The following HDAC9 variants were observed in gnomAD, a reference collection of about 807,000 sequenced individuals.
HDAC9 encodes histone deacetylase 9, also known as MEF-2 interacting transcription repressor (MITR) protein.
In HDAC9, 41 loss-of-function variants were observed where a neutral mutation model predicts 139.4. That is an observed-to-expected ratio of 0.29 (90% CI 0.23 to 0.38). HDAC9 has a LOEUF of 0.38. HDAC9 is among the 10% of genes least tolerant of loss of function. HDAC9 has a pLI of 1.00. For synonymous variants in HDAC9, 517 were observed against 476.2 expected, an observed-to-expected ratio of 1.09 and a Z score of -1.12; for missense variants, 1,147 against 1,297.0, an observed-to-expected ratio of 0.88 and a Z score of 1.78.
rs1405767513 is a variant in HDAC9 at position 18,297,649 on chromosome 7, G to C, written c.-42+7134G>C. Among the ~76,000 whole-genome samples, 5 of 152,150 alleles carry C rather than the reference G, an allele frequency of 3.3e-5. No individual in the cohort carries two copies. In the East Asian group the frequency reaches 9.6e-4, roughly 29 times the overall value. On this transcript the variant is annotated intron_variant, in intron 1 of 3. Coordinates refer to the HDAC9 transcript ENST00000413509. ...ACAGTAAATAGGATGTTATGGTTTG[G>C]CTTGGAATTCTTGTAAGACTTGGCA...
At chr7:18,293,320 T>A (rs75045082) in intron 1 of HDAC9, among the ~76,000 whole-genome samples, 9 of 147,212 alleles carry the variant, frequency 6.1e-5, no homozygotes, top group African/African-American at 7.7e-5. Context: ...TTTTTTTTTT[T>A]ATTATACTTT....
chr7:18,607,891 G>T (rs957705099), intron 6 of HDAC9, among the ~76,000 whole-genome samples: 1 of 152,020 alleles, frequency 6.6e-6, no homozygotes, highest in Non-Finnish European at 1.5e-5. Context: ...AATCATAACT[G>T]GTAAGTGCAG....
intron 1 of HDAC9, among the ~76,000 whole-genome samples, chr7:18,348,922 C>T (rs1782632449): frequency 6.6e-6 from 1 of 152,104 alleles, no homozygotes; most frequent in African/African-American, 2.4e-5. Context: ...AGTCTGAGAA[C>T]ACAGAACTCA....
intron 13 of HDAC9, among the ~76,000 whole-genome samples, chr7:18,731,126 G>T (rs886686363): frequency 6.6e-6 from 1 of 152,144 alleles, no homozygotes; most frequent in Admixed American, 6.6e-5. Flanking sequence ...TTAAAACTTA[G>T]AATTTGGTTG....
intron 2 of HDAC9, among the ~76,000 whole-genome samples, chr7:18,271,375 A>C (rs1445004609): frequency 6.6e-6 from 1 of 152,196 alleles, no homozygotes; most frequent in Non-Finnish European, 1.5e-5. Context: ...CATTAGATAC[A>C]TACATTTTAG....
At chr7:18,763,906 A>G (rs1789604366) in intron 15 of HDAC9, among the ~76,000 whole-genome samples, 2 of 152,188 alleles carry the variant, frequency 1.3e-5, no homozygotes, top group Admixed American at 6.5e-5. Flanking sequence ...AATTGTGAAT[A>G]TAAACACACA....
chr7:18,388,859 A>G (rs146820363), intron 1 of HDAC9, among the ~76,000 whole-genome samples: 17 of 152,338 alleles, frequency 1.1e-4, no homozygotes, highest in African/African-American at 4.1e-4. Context: ...TTTGGGAATC[A>G]GATGCAGTGT....
chr7:18,128,251 T>A (rs1784794948), intron 1 of HDAC9, among the ~76,000 whole-genome samples: 1 of 152,100 alleles, frequency 6.6e-6, no homozygotes, highest in South Asian at 2.1e-4. Flanking sequence ...ATTATCTAGT[T>A]ACCTTAAGGA....
intron 2 of HDAC9, among the ~76,000 whole-genome samples, chr7:18,229,464 C>T (rs148569539): frequency 3.6e-4 from 55 of 152,312 alleles, no homozygotes; most frequent in Non-Finnish European, 6.9e-4. Context: ...CAGCAGCAGG[C>T]TCGGTGCCGT....
chr7:18,844,791 T>C (rs1796803524), intron 21 of HDAC9, among the ~76,000 whole-genome samples: 1 of 152,196 alleles, frequency 6.6e-6, no homozygotes, highest in Non-Finnish European at 1.5e-5. Flanking sequence ...CTTATCCTTC[T>C]GTACTTTTAG....
chr7:18,647,255 C>A (rs1787724047), intron 9 of HDAC9, among the ~76,000 whole-genome samples: 1 of 152,014 alleles, frequency 6.6e-6, no homozygotes, highest in African/African-American at 2.4e-5. Flanking sequence ...CTGAAATAAG[C>A]ATTTTTTGTT....
At chr7:18,301,187 A>G in intron 1 of HDAC9, among the ~76,000 whole-genome samples, 1 of 152,152 alleles carries the variant, frequency 6.6e-6, no homozygotes, top group East Asian at 1.9e-4. Context: ...ATATTCCCTC[A>G]AGTTAAATTG....
intron 1 of HDAC9, among the ~76,000 whole-genome samples, chr7:18,478,443 G>A (rs983613813): frequency 1.3e-5 from 2 of 152,138 alleles, no homozygotes; most frequent in East Asian, 1.9e-4. Context: ...GATGGGCTGC[G>A]CATTATTAGC....
chr7:18,565,074 G>A (rs184789406), intron 2 of HDAC9, among the ~76,000 whole-genome samples: 78 of 151,780 alleles, frequency 5.1e-4, no homozygotes, highest in Non-Finnish European at 5.7e-4. Context: ...TTGGCTCACC[G>A]CAACCTCTGC....
At chr7:18,761,248 C>T (rs10241099) in intron 14 of HDAC9, among the ~76,000 whole-genome samples, 8,074 of 152,210 alleles carry the variant, frequency 0.053, 684 homozygotes, top group African/African-American at 0.18. Flanking sequence ...ACTTTGCATA[C>T]TGGATAATTG....
chr7:18,162,280 AG>A, exon 2 of HDAC9: 1 of 1,526,140 alleles, frequency 6.6e-7, no homozygotes, highest in Non-Finnish European at 8.8e-7. Context: ...TGAACGACAA[AG>A]GCTGTGAATC....
At chr7:18,411,081 G>A (rs1366298545) in intron 1 of HDAC9, among the ~76,000 whole-genome samples, 1 of 152,194 alleles carries the variant, frequency 6.6e-6, no homozygotes, top group Non-Finnish European at 1.5e-5. Context: ...GTCAGTGTTT[G>A]GGAGGTGCTA....
At chr7:18,786,483 T>TTCCTTCCTTCCTTCCTTCATTCCTTCC (rs764610823) in intron 16 of HDAC9, among the ~76,000 whole-genome samples, 1 of 77,068 alleles carries the variant, frequency 1.3e-5, no homozygotes, top group African/African-American at 3.8e-5. Flanking sequence ...CCTTCCTTCC[T>TTCCTTCCTTCCTTCCTTCATTCCTTCC]TTCTTCCTTC....
chr7:18,202,132 T>C (rs1256496569), intron 2 of HDAC9, among the ~76,000 whole-genome samples: 4 of 152,238 alleles, frequency 2.6e-5, no homozygotes, highest in Admixed American at 2.6e-4. Context: ...CAGCCATCTA[T>C]AGGTGGATTC....
Sources: gnomAD v4.1 joint callset for allele counts (sites outside exome capture counted in the v4.1 genomes callset) on GRCh38, gnomAD v4.1.1 for gene constraint, MANE v1.5 for transcripts, NCBI Gene and HGNC (gene_info 2026-07-23, HGNC 2026-07-21) for gene names.